MAST4: variants seen among roughly 807,000 people sequenced by gnomAD.
MAST4 encodes the protein microtubule associated serine/threonine kinase family member 4, also known as microtubule-associated serine/threonine-protein kinase 4.
Under a neutral mutation model 162.7 loss-of-function variants are expected in MAST4, and 89 were observed. That is an observed-to-expected ratio of 0.55 (90% CI 0.46 to 0.65). The LOEUF (loss-of-function observed/expected upper bound fraction) is 0.65. MAST4 is among the 30% of genes least tolerant of loss of function. The probability of loss-of-function intolerance (pLI) is 0.00; values close to 1 mark genes in which losing one functional copy is unlikely to be tolerated. For synonymous variants in MAST4, 1,479 were observed against 1,361.1 expected, an observed-to-expected ratio of 1.09 and a Z score of -1.91; for missense variants, 3,153 against 3,374.0, an observed-to-expected ratio of 0.93 and a Z score of 1.62.
intron 11 of MAST4, 92 bp from the exon 12 acceptor site, chr5:67,113,995 C>A: frequency 1.4e-6 from 2 of 1,434,980 alleles, no homozygotes; most frequent in South Asian, 1.2e-5. Flanking sequence ...GCCATGTATA[C>A]CCAGCAGTTA....
chr5:66,765,287 T>A (rs1322643149), intron 2 of MAST4, among the ~76,000 whole-genome samples: 1 of 152,170 alleles, frequency 6.6e-6, no homozygotes, highest in African/African-American at 2.4e-5. Context: ...TAGCCACAGA[T>A]TCCAGGTTCC....
At chr5:66,863,263 C>T (rs533947321) in intron 3 of MAST4, among the ~76,000 whole-genome samples, 87 of 152,344 alleles carry the variant, frequency 5.7e-4, no homozygotes, top group African/African-American at 1.8e-3. Flanking sequence ...AGCTTCCCCG[C>T]TCAAATTGTT....
At chr5:67,011,129 A>G (rs1024919619) in intron 4 of MAST4, among the ~76,000 whole-genome samples, 9 of 152,014 alleles carry the variant, frequency 5.9e-5, no homozygotes, top group African/African-American at 2.2e-4. Context: ...CCTTTGTGAC[A>G]TGTTTAGGTT....
At chr5:66,618,112 G>A (rs1193375178) in intron 1 of MAST4, among the ~76,000 whole-genome samples, 1 of 152,114 alleles carries the variant, frequency 6.6e-6, no homozygotes, top group Non-Finnish European at 1.5e-5. Flanking sequence ...GGTTGTAGGA[G>A]CACCGGCCTC....
chr5:66,910,790 C>T (rs1036594123), intron 4 of MAST4, among the ~76,000 whole-genome samples: 1 of 122,262 alleles, frequency 8.2e-6, no homozygotes, highest in Non-Finnish European at 1.6e-5. Flanking sequence ...CTCACTCTGT[C>T]ACCAGGCTGG....
intron 1 of MAST4, among the ~76,000 whole-genome samples, chr5:66,693,902 T>C (rs1301534697): frequency 6.6e-6 from 1 of 152,086 alleles, no homozygotes; most frequent in African/African-American, 2.4e-5. Flanking sequence ...AAAAGCTTTA[T>C]ACAAGGGGAG....
intron 14 of MAST4, 104 bp downstream of exon 14, chr5:67,121,206 G>T: frequency 2.4e-6 from 2 of 847,642 alleles, no homozygotes; most frequent in South Asian, 1.7e-5. Flanking sequence ...ATAGGGACTT[G>T]ACTTTTCAGA....
Position 66,864,908 on chromosome 5 carries a change from G to A in MAST4, c.643-35043G>A, listed in dbSNP as rs558380503. Among the ~76,000 whole-genome samples the A allele has an allele frequency of 1.3e-4, 20 of 152,324 alleles. No homozygotes were observed. The South Asian group carries it at 2.5e-3, about 19-fold the overall frequency. On this transcript the variant is annotated intron_variant, in intron 3 of 28. Transcript: ENST00000403625. The stretch of plus-strand genomic sequence containing the variant: ...AACTGACACAGATGGCTTAGATGAG[G>A]TTGAGGACACTGGAAGTAAGAAAGG...
chr5:67,057,201 C>G (rs1758940705), intron 5 of MAST4, among the ~76,000 whole-genome samples: 1 of 152,138 alleles, frequency 6.6e-6, no homozygotes, highest in South Asian at 2.1e-4. Flanking sequence ...GCCTCTTCAC[C>G]AGCCATGCCT....
At chr5:67,141,029 C>T (rs1770334683) in intron 19 of MAST4, among the ~76,000 whole-genome samples, 1 of 152,178 alleles carries the variant, frequency 6.6e-6, no homozygotes, top group Admixed American at 6.5e-5. Flanking sequence ...ATGTCTTGTG[C>T]TAGAGGGGTC....
chr5:67,018,533 G>T lies in MAST4; in HGVS notation c.675-35871G>T, dbSNP rs996045845. On this transcript the variant is annotated intron_variant, in intron 4 of 28. Coordinates refer to ENST00000403625, the MANE Select transcript of MAST4 (RefSeq NM_001164664.2). ...CTGTCTCAAAAAAAAAAGTCCCTTT[G>T]ATACTACATAGATGAAAAACTTGTA... Among the ~76,000 whole-genome samples, 10 of 152,072 alleles carry T rather than the reference G, an allele frequency of 6.6e-5. 1 individual carries two copies. Among genetic ancestry groups the T allele is most frequent in the African/African-American group, 2.2e-4 (9 of 41,402 alleles).
intron 5 of MAST4, among the ~76,000 whole-genome samples, chr5:67,078,752 TTA>T (rs1762031820): frequency 7.4e-6 from 1 of 134,270 alleles, no homozygotes; most frequent in African/African-American, 2.7e-5. Context: ...ATATATTTAT[TTA>T]TATTTATCTA....
At chr5:66,900,174 G>C (rs944541427) in intron 4 of MAST4, among the ~76,000 whole-genome samples, 192 bp downstream of exon 4, 1 of 151,934 alleles carries the variant, frequency 6.6e-6, no homozygotes, top group Non-Finnish European at 1.5e-5. Flanking sequence ...TTCCATATGG[G>C]CATTGCAAAC....
chr5:66,950,222 C>CT (rs981514057), intron 4 of MAST4, among the ~76,000 whole-genome samples: 56 of 131,750 alleles, frequency 4.3e-4, no homozygotes, highest in African/African-American at 2.2e-3. Flanking sequence ...AACTAGTATA[C>CT]TTTTTTTTTC....
chr5:66,788,605 C>CCCCAAAAAAAAAAAAAAAAAAAA, intron 2 of MAST4, 65 bp from the exon 3 acceptor site: 1 of 1,344,526 alleles, frequency 7.4e-7, no homozygotes, highest in Non-Finnish European at 1.0e-6. Flanking sequence ...CACCCCCACC[C>CCCCAAAAAAAAAAAAAAAAAAAA]CCATTGCAAT....
intron 4 of MAST4, among the ~76,000 whole-genome samples, chr5:66,950,105 C>T (rs1744493472): frequency 6.6e-6 from 1 of 152,092 alleles, no homozygotes; most frequent in African/African-American, 2.4e-5. Flanking sequence ...CTACCTCACC[C>T]CACCCTACCC....
intron 1 of MAST4, among the ~76,000 whole-genome samples, chr5:66,719,628 G>A (rs1227741604): frequency 3.3e-5 from 5 of 152,052 alleles, no homozygotes; most frequent in African/African-American, 1.2e-4. Context: ...CAAGTGCCAT[G>A]ATGGTTTGCT....
intron 8 of MAST4, among the ~76,000 whole-genome samples, chr5:67,101,375 A>C (rs1765009765): frequency 6.6e-6 from 1 of 152,092 alleles, no homozygotes; most frequent in African/African-American, 2.4e-5. Context: ...TGGATGTGGC[A>C]CCCTGGGAAA....
chr5:66,807,321 C>A (rs1047118933), intron 3 of MAST4, among the ~76,000 whole-genome samples: 3 of 151,974 alleles, frequency 2.0e-5, no homozygotes, highest in Non-Finnish European at 4.4e-5. Context: ...AAGGTGAAAC[C>A]CCGTCTCTAC....
Sources: allele counts gnomAD v4.1 joint callset (sites outside exome capture counted in the v4.1 genomes callset), GRCh38; gene constraint gnomAD v4.1.1; transcripts MANE v1.5; gene names NCBI Gene and HGNC (gene_info 2026-07-23, HGNC 2026-07-21).